PSD2: variants seen among roughly 807,000 people sequenced by gnomAD.
PSD2 encodes the protein PH and SEC7 domain-containing protein 2.
In PSD2, 38 loss-of-function variants were observed where a neutral mutation model predicts 69.8. The ratio of observed to expected loss-of-function variants is 0.54; its 90% confidence interval spans 0.42 to 0.71. PSD2 has a LOEUF of 0.71. PSD2 is among the 30% of genes least tolerant of loss of function. The pLI is 0.00. For synonymous variants in PSD2, 412 were observed against 423.0 expected (o/e 0.97, Z 0.32); for missense variants, 943 against 1,014.5 (o/e 0.93, Z 0.96).
chr5:139,830,622 CTT>C (rs1156739878), intron 7 of PSD2, among the ~76,000 whole-genome samples: 3 of 66,634 alleles, frequency 4.5e-5, no homozygotes, highest in Non-Finnish European at 8.1e-5. Context: ...TTCTTTCTTT[CTT>C]TCTCTTTCTT....
chr5:139,744,893 C>T, the PSD2 span: 7 of 152,342 alleles, frequency 4.6e-5, no homozygotes, highest in African/African-American at 1.7e-4. Context: ...GCAGCTGCCA[C>T]CACTGGGAAT....
chr5:139,801,606 C>A (rs1313880673), intron 1 of PSD2, among the ~76,000 whole-genome samples: 1 of 152,184 alleles, frequency 6.6e-6, no homozygotes, highest in Non-Finnish European at 1.5e-5. Flanking sequence ...ATCTCCACTC[C>A]TCCATACAGA....
intron 7 of PSD2, among the ~76,000 whole-genome samples, chr5:139,832,872 T>C (rs1335720546): frequency 6.6e-6 from 1 of 152,196 alleles, no homozygotes; most frequent in East Asian, 1.9e-4. Context: ...TTTGAGCCCC[T>C]CTGCTACTCA....
At chr5:139,761,221 G>A in the PSD2 span, among the ~76,000 whole-genome samples, 1 of 152,222 alleles carries the variant, frequency 6.6e-6, no homozygotes, top group Non-Finnish European at 1.5e-5. Context: ...TGAGTAAGAT[G>A]TGATGTCAGC....
chr5:139,825,998 T>C (rs1224651333), intron 7 of PSD2, among the ~76,000 whole-genome samples: 1 of 152,150 alleles, frequency 6.6e-6, no homozygotes, highest in Non-Finnish European at 1.5e-5. Flanking sequence ...CATGAGTGTG[T>C]GGCATCTCTG....
the PSD2 span, among the ~76,000 whole-genome samples, chr5:139,780,246 A>C: frequency 1.3e-5 from 2 of 152,194 alleles, no homozygotes; most frequent in Non-Finnish European, 2.9e-5. Flanking sequence ...ACCTTGGTGG[A>C]TACCAGTGAA....
upstream of PSD2, among the ~76,000 whole-genome samples, chr5:139,793,683 T>A (rs577676007): frequency 1.0e-3 from 153 of 152,346 alleles, no homozygotes; most frequent in Non-Finnish European, 1.9e-3. Flanking sequence ...GAGGATACAC[T>A]GTGAACCCTT....
the PSD2 span, among the ~76,000 whole-genome samples, chr5:139,771,493 C>T: frequency 2.0e-5 from 3 of 152,216 alleles, no homozygotes; most frequent in Admixed American, 1.3e-4. Flanking sequence ...ATTCTCCTGC[C>T]TCAGCCTCCC....
Position 139,821,837 on chromosome 5 carries a change from G to A in PSD2, c.1098-56G>A, listed in dbSNP as rs867627833. 8 of 1,038,890 alleles carry A rather than the reference G, an allele frequency of 7.7e-6. No homozygotes were observed. In the Middle Eastern group the frequency reaches 1.3e-3, roughly 167 times the overall value. 64.4% of individuals were successfully genotyped at this position (1,038,890 alleles called of 1,614,324 possible). On this transcript the variant is annotated intron_variant, in intron 5 of 14. Coordinates refer to ENST00000274710, the MANE Select transcript of PSD2 (RefSeq NM_032289.4). ...GTGTGTGCTGTGTGTGTGGGGGGTG[G>A]TCTTACCCTGGGTGAGGACTCAGAC...
chr5:139,791,564 C>T (rs1759416371), upstream of PSD2, among the ~76,000 whole-genome samples: 1 of 152,206 alleles, frequency 6.6e-6, no homozygotes, highest in African/African-American at 2.4e-5. Context: ...CAGGTTGCAG[C>T]GAGCCATGAT....
chr5:139,779,938 C>T, the PSD2 span, among the ~76,000 whole-genome samples: 1 of 152,150 alleles, frequency 6.6e-6, no homozygotes, highest in South Asian at 2.1e-4. Flanking sequence ...TTGACAGACA[C>T]CTGGGCTGTT....
At position 139,809,862 on chromosome 5, in the gene PSD2, T is replaced by C. The variant is rs1272215369; in HGVS notation, c.371+51T>C. ...CTCACCACATTTGGCTGTTCTGTTG[T>C]TGTGTGGCCTGGGCTTAGCCACTTA... On this transcript the variant is annotated intron_variant, in intron 2 of 14. Transcript: ENST00000274710. The C allele has an allele frequency of 2.5e-6, 4 of 1,593,202 alleles. No individual in the cohort carries two copies. The Admixed American group carries it at 7.1e-5, about 28-fold the overall frequency.
At chr5:139,748,185 C>T in the PSD2 span, among the ~76,000 whole-genome samples, 1 of 151,816 alleles carries the variant, frequency 6.6e-6, no homozygotes, top group Non-Finnish European at 1.5e-5. Flanking sequence ...TTCACACTCC[C>T]CCGCCCCCAC....
chr5:139,790,808 T>C (rs748144228), upstream of PSD2, among the ~76,000 whole-genome samples: 3 of 152,088 alleles, frequency 2.0e-5, no homozygotes, highest in Non-Finnish European at 4.4e-5. Context: ...TTTGGGAGGC[T>C]GAGGTGGGTG....
chr5:139,805,843 C>A (rs533629534), intron 1 of PSD2, among the ~76,000 whole-genome samples: 1 of 152,238 alleles, frequency 6.6e-6, no homozygotes, highest in East Asian at 1.9e-4. Context: ...CCTGCAGGAC[C>A]TTTTCAGGCC....
chr5:139,819,242 G>T (rs562328000), intron 5 of PSD2, among the ~76,000 whole-genome samples: 5 of 152,338 alleles, frequency 3.3e-5, no homozygotes, highest in Admixed American at 2.6e-4. Context: ...AATTAAGGTT[G>T]CACTGAAGTT....
At position 139,843,467 on chromosome 5, in the gene PSD2, A is replaced by G. The variant is rs1242494941; in HGVS notation, c.*993A>G. The G allele has an allele frequency of 6.6e-6, 1 of 152,186 alleles. No individual in the cohort carries two copies. Among genetic ancestry groups the G allele is most frequent in the African/African-American group, 2.4e-5 (1 of 41,418 alleles). 9.4% of individuals were successfully genotyped at this position (152,186 alleles called of 1,614,324 possible). On this transcript the variant is annotated 3_prime_UTR_variant, in exon 15 of 15. Coordinates refer to ENST00000274710, the MANE Select transcript of PSD2 (RefSeq NM_032289.4). ...CGGCCCTGTTTATATTTGGGTCTTT[A>G]TGTTGGTGCTGCCAGGTCTCTGAGC...
At chr5:139,747,858 G>A in the PSD2 span, among the ~76,000 whole-genome samples, 1 of 152,218 alleles carries the variant, frequency 6.6e-6, no homozygotes. This position sits in a 1 kb window ranked among gnomAD's most constrained non-coding sequence, Gnocchi z 6.7. Context: ...AGGGGGAGGC[G>A]GCAGAGCGCG....
chr5:139,766,930 CTTCTTTCTTTCTTTCTTTCTTTCT>C, the PSD2 span, among the ~76,000 whole-genome samples: 8 of 44,046 alleles, frequency 1.8e-4, no homozygotes, highest in Admixed American at 2.7e-4. Flanking sequence ...CCTTCCTTCC[CTTCTTTCTTTCTTTCTTTCTTTCT>C]TTCTTTCTTT....
Sources: allele counts gnomAD v4.1 joint callset (sites outside exome capture counted in the v4.1 genomes callset), GRCh38; gene constraint gnomAD v4.1.1; non-coding constraint Gnocchi (gnomAD v3.1); transcripts MANE v1.5; gene names NCBI Gene and HGNC (gene_info 2026-07-23, HGNC 2026-07-21).